ZEB1: variants seen among roughly 807,000 people sequenced by gnomAD.
The protein encoded by ZEB1 is zinc finger E-box-binding homeobox 1.
Under a neutral mutation model 84.9 loss-of-function variants are expected in ZEB1, and 21 were observed. That is an observed-to-expected ratio of 0.25 (90% CI 0.18 to 0.36). The LOEUF (loss-of-function observed/expected upper bound fraction) is 0.36, where lower values mean the gene tolerates loss of function less well. Among genes scored for constraint, ZEB1 ranks in the 10% least tolerant of loss-of-function variants. The pLI is 1.00. For missense variants in ZEB1, 1,104 were observed against 1,330.2 expected (o/e 0.83, Z 2.65); for synonymous variants, 420 against 471.1 (o/e 0.89, Z 1.41).
chr10:31,439,664 G>A (rs1400451515), intron 1 of ZEB1, among the ~76,000 whole-genome samples: 1 of 151,940 alleles, frequency 6.6e-6, no homozygotes, highest in Non-Finnish European at 1.5e-5. Context: ...AGAATAGGGA[G>A]TGCAATGGGG....
chr10:31,489,716 C>A (rs2066245163), intron 2 of ZEB1, among the ~76,000 whole-genome samples: 1 of 151,068 alleles, frequency 6.6e-6, no homozygotes, highest in African/African-American at 2.4e-5. Context: ...AATCTTTTAC[C>A]CTGCCAAGTG....
intron 1 of ZEB1, chr10:31,362,908 C>A: frequency 7.0e-7 from 1 of 1,435,838 alleles, no homozygotes; most frequent in Non-Finnish European, 9.5e-7. Context: ...CATGTTCTTA[C>A]GCATGTTGCC....
At chr10:31,410,560 G>C (rs983499655) in intron 1 of ZEB1, among the ~76,000 whole-genome samples, 1 of 152,118 alleles carries the variant, frequency 6.6e-6, no homozygotes, top group Non-Finnish European at 1.5e-5. Flanking sequence ...TGTTGTTCGA[G>C]ATAGTTTCAG....
At chr10:31,411,504 C>T (rs544307077) in intron 1 of ZEB1, among the ~76,000 whole-genome samples, 211 of 151,976 alleles carry the variant, frequency 1.4e-3, no homozygotes, top group African/African-American at 4.8e-3. Context: ...CGGTGGCGGG[C>T]GCCTGTAGTC....
At chr10:31,509,852 T>G (rs956547774) in intron 4 of ZEB1, among the ~76,000 whole-genome samples, 1 of 152,226 alleles carries the variant, frequency 6.6e-6, no homozygotes, top group South Asian at 2.1e-4. Context: ...TGGCAAAATA[T>G]TACATTTTAG....
chr10:31,463,806 T>C (rs1410196225), intron 2 of ZEB1, among the ~76,000 whole-genome samples: 1 of 152,192 alleles, frequency 6.6e-6, no homozygotes, highest in Admixed American at 6.5e-5. Context: ...CAGGCAGAAG[T>C]AAACACAAGT....
At chr10:31,365,593 A>G (rs1397013582) in intron 1 of ZEB1, among the ~76,000 whole-genome samples, 5 of 152,208 alleles carry the variant, frequency 3.3e-5, no homozygotes, top group Admixed American at 3.3e-4. Flanking sequence ...TCCATACCTT[A>G]TACTGTTGAG....
At chr10:31,406,612 G>T (rs2053112294) in intron 1 of ZEB1, among the ~76,000 whole-genome samples, 1 of 152,042 alleles carries the variant, frequency 6.6e-6, no homozygotes, top group Admixed American at 6.5e-5. Flanking sequence ...AGATGGATAG[G>T]TTGCAAAAAT....
chr10:31,464,511 A>G (rs2062160947), intron 2 of ZEB1, among the ~76,000 whole-genome samples: 1 of 152,224 alleles, frequency 6.6e-6, no homozygotes, highest in Non-Finnish European at 1.5e-5. Flanking sequence ...ACCATACTAC[A>G]GATTCAAAAA....
intron 2 of ZEB1, among the ~76,000 whole-genome samples, chr10:31,494,311 G>T (rs2138968753): frequency 6.6e-6 from 1 of 152,062 alleles, no homozygotes; most frequent in South Asian, 2.1e-4. Flanking sequence ...TGAGACTTCA[G>T]CAGAAGTTAA....
chr10:31,388,896 A>C (rs542061787), intron 1 of ZEB1, among the ~76,000 whole-genome samples: 3 of 152,240 alleles, frequency 2.0e-5, no homozygotes, highest in African/African-American at 7.2e-5. Flanking sequence ...ATAACTAAAC[A>C]GGTTATTATT....
intron 2 of ZEB1, among the ~76,000 whole-genome samples, chr10:31,484,154 G>A (rs563143175): frequency 3.3e-5 from 5 of 151,948 alleles, no homozygotes; most frequent in Non-Finnish European, 7.4e-5. Flanking sequence ...TGATTAACTG[G>A]CCCACCCAAA....
chr10:31,518,298 A>G (rs1182825918), intron 6 of ZEB1, among the ~76,000 whole-genome samples: 1 of 152,182 alleles, frequency 6.6e-6, no homozygotes, highest in Non-Finnish European at 1.5e-5. Flanking sequence ...TCTAAAACCC[A>G]CATCCTGTGC....
intron 1 of ZEB1, among the ~76,000 whole-genome samples, chr10:31,364,520 T>A (rs1341911540): frequency 6.6e-6 from 1 of 152,160 alleles, no homozygotes; most frequent in Admixed American, 6.5e-5. Context: ...CCGGGGCCTC[T>A]CCAGTGCCTC....
intron 1 of ZEB1, chr10:31,363,680 G>A (rs2370492): frequency 1.5e-6 from 2 of 1,293,684 alleles, no homozygotes; most frequent in East Asian, 5.0e-5. Context: ...CTGAGACAAG[G>A]GATCCTTACG....
intron 1 of ZEB1, among the ~76,000 whole-genome samples, chr10:31,441,042 A>T (rs2058897038): frequency 6.6e-6 from 1 of 152,164 alleles, no homozygotes; most frequent in South Asian, 2.1e-4. Flanking sequence ...TCTTCACAGA[A>T]TTGGAAAAAA....
chr10:31,363,020 A>G, intron 1 of ZEB1: 1 of 1,533,718 alleles, frequency 6.5e-7, no homozygotes, highest in South Asian at 1.2e-5. Context: ...TCTCTATCAC[A>G]CCTCAGTTGC....
At chr10:31,494,123 A>G (rs1334533365) in intron 2 of ZEB1, among the ~76,000 whole-genome samples, 1 of 152,010 alleles carries the variant, frequency 6.6e-6, no homozygotes, top group Admixed American at 6.6e-5. Context: ...TTACCATCAT[A>G]TAATTACCCA....
At chr10:31,378,305 A>G (rs1050197188) in intron 1 of ZEB1, among the ~76,000 whole-genome samples, 3 of 151,404 alleles carry the variant, frequency 2.0e-5, no homozygotes, top group Non-Finnish European at 3.0e-5. Context: ...AAGTATATGT[A>G]TATACTCATA....
Sources: gnomAD v4.1 joint callset for allele counts (sites outside exome capture counted in the v4.1 genomes callset) on GRCh38, gnomAD v4.1.1 for gene constraint, MANE v1.5 for transcripts, NCBI Gene and HGNC (gene_info 2026-07-23, HGNC 2026-07-21) for gene names.